Variants in SH3TC2 observed in about 807,000 individuals in gnomAD.
The protein encoded by SH3TC2 is SH3 domain and tetratricopeptide repeat-containing protein 2.
A neutral mutation model predicts 124.5 loss-of-function variants in SH3TC2; 87 were observed. The observed-to-expected ratio is 0.70, with a 90% CI of 0.59 to 0.84. The LOEUF (loss-of-function observed/expected upper bound fraction) is 0.84. SH3TC2 is among the 40% of genes least tolerant of loss of function. SH3TC2 has a pLI of 0.00. For synonymous variants in SH3TC2, 634 were observed against 628.5 expected (o/e 1.01, Z -0.13); for missense variants, 1,536 against 1,566.4 (o/e 0.98, Z 0.33).
At chr5:149,030,387 G>A (rs1048376693) in intron 9 of SH3TC2, among the ~76,000 whole-genome samples, 2 of 152,234 alleles carry the variant, frequency 1.3e-5, no homozygotes, top group Non-Finnish European at 2.9e-5. Flanking sequence ...TTGAGTGAGA[G>A]TCAAGTGCTG....
intron 3 of SH3TC2, chr5:149,046,023 G>A: frequency 2.6e-6 from 1 of 386,690 alleles, no homozygotes; most frequent in Admixed American, 3.1e-5. Context: ...TCTGTTGTTT[G>A]TCCAAGCCTC....
At chr5:149,050,730 G>A (rs1306070480) in intron 2 of SH3TC2, among the ~76,000 whole-genome samples, 5 of 152,176 alleles carry the variant, frequency 3.3e-5, no homozygotes, top group Admixed American at 2.0e-4. Context: ...GAACATGCCC[G>A]ATCTCATCTG....
rs193240665 is a variant in SH3TC2, at chr5:149,028,847, G to C, written c.1136-129C>G. On this transcript the variant is annotated intron_variant, in intron 9 of 16. Coordinates refer to ENST00000515425, the MANE Select transcript of SH3TC2 (RefSeq NM_024577.4). Reference sequence around the variant, plus strand: ...TTCAAGACCTTCAGTCATCATTAAGGAACAGGGCAGAATTATCCTTTCACC... The same window carrying C: ...TTCAAGACCTTCAGTCATCATTAAGCAACAGGGCAGAATTATCCTTTCACC... 110 of 892,866 alleles carry C rather than the reference G, an allele frequency of 1.2e-4. 1 individual carries two copies. The East Asian group carries it at 2.6e-3, about 21-fold the overall frequency. 55.3% of individuals were successfully genotyped at this position (892,866 alleles called of 1,614,324 possible). A position where few individuals can be genotyped will look rare whatever the true frequency, so the allele number is the denominator to read the frequency against.
intron 8 of SH3TC2, among the ~76,000 whole-genome samples, chr5:149,033,411 T>G (rs1321900144): frequency 6.6e-6 from 1 of 152,122 alleles, no homozygotes; most frequent in African/African-American, 2.4e-5. Flanking sequence ...AAGATGAATA[T>G]TTTAGTACAT....
At chr5:149,014,133 C>A (rs1365914351) in intron 12 of SH3TC2, among the ~76,000 whole-genome samples, 1 of 152,130 alleles carries the variant, frequency 6.6e-6, no homozygotes, top group East Asian at 1.9e-4. Flanking sequence ...AGGACTTGTC[C>A]CATAACACTC....
intron 15 of SH3TC2, chr5:149,008,629 A>G: frequency 1.6e-6 from 1 of 611,442 alleles, no homozygotes; most frequent in East Asian, 2.9e-5. Flanking sequence ...CTTCATAACA[A>G]CTACCATGAG....
At position 149,026,586 on chromosome 5, in the gene SH3TC2, G is replaced by T. The variant is rs753381949; in HGVS notation, c.3039C>A (p.Asn1013Lys). 3.3e-5 allele frequency: 53 copies of T among 1,613,974 alleles called. No homozygotes were observed. The Admixed American group carries it at 8.8e-4, about 27-fold the overall frequency. ...CCCTGACTCACCTGGCGGTATTTAG[G>T]TTCCGATAAAGCTGCCCCAGGGACT... ...LLESLGQLYR[N>K]LNTARSLRRS... The change falls in exon 12 of 17, where the codon AAC becomes AAA. Residue 1013 changes from asparagine (N) to lysine (K), a missense_variant. Physicochemically the swap from Asn to Lys is moderately conservative, Grantham distance 94. This residue lies in a region of SH3TC2 where 426 missense variants were observed against 443.5 expected (regional missense o/e 0.96). Coordinates refer to ENST00000515425, the MANE Select transcript of SH3TC2 (RefSeq NM_024577.4).
In SH3TC2 at chr5:148,997,152, A is replaced by G. The variant is rs909047903; in HGVS notation, c.*7559T>C. Among the ~76,000 whole-genome samples, 1 of 152,180 alleles carries G rather than the reference A, an allele frequency of 6.6e-6. No homozygotes were observed. The highest frequency in any genetic ancestry group is 1.5e-5 in the Non-Finnish European group (1 of 68,024). ...AAAAGTAGGCTATTCTCTCATGTTCATGATCTTCCTTCTGCTACCACCATT... is the reference window on the plus strand; with the variant it reads ...AAAAGTAGGCTATTCTCTCATGTTCGTGATCTTCCTTCTGCTACCACCATT... On this transcript the variant is annotated 3_prime_UTR_variant, in exon 17 of 17. Coordinates refer to ENST00000515425, the MANE Select transcript of SH3TC2 (RefSeq NM_024577.4).
chr5:149,013,937 A>T (rs1753827076), intron 12 of SH3TC2, among the ~76,000 whole-genome samples: 1 of 152,208 alleles, frequency 6.6e-6, no homozygotes, highest in African/African-American at 2.4e-5. Context: ...GCTCAGGCAC[A>T]AGCACTGTGT....
In SH3TC2 at chr5:149,027,774, A is replaced by G; in HGVS notation, c.1958T>C (p.Leu653Pro). The change falls in exon 11 of 17, where the codon CTG becomes CCG. Residue 653 changes from leucine to proline, a missense_variant. Leu to Pro is a moderately conservative substitution (Grantham distance 98). Around this residue, in one of 3 missense-constraint regions of SH3TC2, gnomAD observed 1,102 missense variants for 1,098.6 expected, o/e 1.00. Transcript: ENST00000515425. Reference sequence around the variant, plus strand: ...GAGCTGCAGGCGCTCGGCAAAGGGCAGGACCTCCTCGTGCCGGCCTAGGCT... The same window carrying G: ...GAGCTGCAGGCGCTCGGCAAAGGGCGGGACCTCCTCGTGCCGGCCTAGGCT... Reference protein sequence around the residue: ...LLSLGRHEEVLPFAERLQLLS... With the variant: ...LLSLGRHEEVPPFAERLQLLS... The G allele has an allele frequency of 3.1e-6, 5 of 1,614,002 alleles. No homozygotes were observed. Among genetic ancestry groups the G allele is most frequent in the Non-Finnish European group, 4.2e-6 (5 of 1,179,982 alleles).
chr5:149,011,160 T>C (rs1381110171), intron 13 of SH3TC2, among the ~76,000 whole-genome samples: 1 of 152,222 alleles, frequency 6.6e-6, no homozygotes, highest in Non-Finnish European at 1.5e-5. Context: ...TTCCATGGAA[T>C]TGACCCTGCA....
chr5:149,038,325 C>T lies in SH3TC2; in HGVS notation c.971G>A (p.Arg324Lys), dbSNP rs1754316511. Residue 324 changes from arginine (R) to lysine (K), a missense_variant, in exon 8 of 17, where the codon AGG becomes AAG. Physicochemically the swap from Arg to Lys is conservative, Grantham distance 26 (BLOSUM62 2). This residue lies in a region of SH3TC2 where 1,102 missense variants were observed against 1,098.6 expected (regional missense o/e 1.00). Coordinates refer to ENST00000515425, the MANE Select transcript of SH3TC2 (RefSeq NM_024577.4). The part of the protein sequence containing the change: ...SSGQVGFVPT[R>K]NIDPDSYSPM... ...GGAATAAGAATCAGGATCTATGTTC[C>T]TGGTGGGGACAAAGCCCACTTGTCC... 6.2e-7 allele frequency: 1 copy of T among 1,614,140 alleles called. No individual in the cohort carries two copies. Among genetic ancestry groups the T allele is most frequent in the Non-Finnish European group, 8.5e-7 (1 of 1,179,982 alleles).
At chr5:149,034,164 T>C (rs551520032) in intron 8 of SH3TC2, among the ~76,000 whole-genome samples, 1 of 152,086 alleles carries the variant, frequency 6.6e-6, no homozygotes, top group Admixed American at 6.5e-5. Flanking sequence ...CAGCCATATA[T>C]GAAAAATAGC....
rs1248425988 is a variant in SH3TC2 at position 148,994,848 on chromosome 5, A to G, written c.*9863T>C. 6.6e-6 allele frequency among the ~76,000 whole-genome samples: 1 copy of G among 152,064 alleles called. No homozygotes were observed. The highest frequency in any genetic ancestry group is 2.4e-5 in the African/African-American group (1 of 41,402). On this transcript the variant is annotated 3_prime_UTR_variant, in exon 17 of 17. Transcript: ENST00000515425. ...CTAGTCCTTTGCATATATGCATCCA[A>G]TCTCCCCCAAACAGACTGACAGATA...
chr5:149,028,111 TC>T lies in SH3TC2; in HGVS notation c.1620del (p.Lys541ArgfsTer40). Reference sequence around the variant, plus strand: ...ACCCTGGCCTGAGAGAGTTTGACCTTCCTGATGCTCAGCCGGCCCAGGAGGA... The same window carrying T: ...ACCCTGGCCTGAGAGAGTTTGACCTTCTGATGCTCAGCCGGCCCAGGAGGA... ...LCFLLGRLSIRKVKLSQARVY... is the reference protein window; with the variant it reads ...LCFLLGRLSIXKVKLSQARVY... On this transcript the variant is annotated frameshift_variant, in exon 11 of 17. Coordinates refer to ENST00000515425, the MANE Select transcript of SH3TC2 (RefSeq NM_024577.4). LOFTEE classifies it high-confidence loss of function. 1 of 1,614,062 alleles carries T rather than the reference TC, an allele frequency of 6.2e-7. No homozygotes were observed. Among genetic ancestry groups the T allele is most frequent in the South Asian group, 1.1e-5 (1 of 91,080 alleles).
rs755799370 is a variant in SH3TC2 at position 149,008,858 on chromosome 5, T to C, written c.3471A>G (p.Thr1157=). The C allele has an allele frequency of 1.2e-6, 2 of 1,614,154 alleles. No homozygotes were observed. Among genetic ancestry groups the C allele is most frequent in the Non-Finnish European group, 8.5e-7 (1 of 1,180,046 alleles). ...ATAGTGAAGACCACCCACCTGTGAC[T>C]GTGCTGAGCCTGGCGGCCAGGGTGG... is the stretch of plus-strand genomic sequence containing the variant. ...EFATLAARLS[T]VTGDQRQELV... is the part of the protein sequence containing the mutation. Residue 1157 remains threonine, a synonymous_variant, in exon 15 of 17, where the codon ACA becomes ACG. Transcript: ENST00000515425.
At chr5:149,005,510 T>A (rs997957317) in intron 16 of SH3TC2, among the ~76,000 whole-genome samples, 1 of 151,974 alleles carries the variant, frequency 6.6e-6, no homozygotes, top group Non-Finnish European at 1.5e-5. Flanking sequence ...TTGAACTGAG[T>A]TTTTCCCTTT....
At chr5:149,046,146 A>G (rs971155515) in intron 3 of SH3TC2, 1 of 171,800 alleles carries the variant, frequency 5.8e-6, no homozygotes, top group African/African-American at 2.4e-5. Context: ...GAAGAAGAAG[A>G]TAGAAGAATC....
chr5:149,022,392 A>C (rs1391295507), intron 12 of SH3TC2, among the ~76,000 whole-genome samples: 1 of 152,200 alleles, frequency 6.6e-6, no homozygotes, highest in Admixed American at 6.5e-5. Context: ...AGACACTAAC[A>C]AGTGGTGGTG....
Sources: allele counts gnomAD v4.1 joint callset (sites outside exome capture counted in the v4.1 genomes callset), GRCh38; gene constraint gnomAD v4.1.1; regional missense constraint gnomAD v4.1.1; transcripts MANE v1.5; gene names NCBI Gene and HGNC (gene_info 2026-07-23, HGNC 2026-07-21).